The following NAA35 variants were observed in gnomAD, a reference collection of about 807,000 sequenced individuals.
NAA35 encodes N-alpha-acetyltransferase 35, NatC auxiliary subunit.
A neutral mutation model predicts 101.7 loss-of-function variants in NAA35; 18 were observed. The observed-to-expected ratio is 0.18, with a 90% CI of 0.12 to 0.26. NAA35 has a LOEUF of 0.26. Ranked by LOEUF, NAA35 falls within the 10% of genes least tolerant of loss-of-function variation. The pLI is 1.00. For missense variants in NAA35, 601 were observed against 886.8 expected, an observed-to-expected ratio of 0.68 and a Z score of 4.09; for synonymous variants, 267 against 273.1, an observed-to-expected ratio of 0.98 and a Z score of 0.22.
intron 2 of NAA35, among the ~76,000 whole-genome samples, chr9:85,945,415 G>A (rs1431195030): frequency 6.6e-6 from 1 of 152,134 alleles, no homozygotes; most frequent in Non-Finnish European, 1.5e-5. Flanking sequence ...TTAGGCTTCT[G>A]TTCTAGTGAC....
intron 14 of NAA35, 63 bp from the exon 15 acceptor site, chr9:86,009,802 A>AGTAATTGCTGCTGCTTTTGTTT: frequency 1.7e-6 from 2 of 1,193,806 alleles, no homozygotes; most frequent in Non-Finnish European, 2.5e-6. Flanking sequence ...TAGCATCTGC[A>AGTAATTGCTGCTGCTTTTGTTT]GTAATTGCTG....
At chr9:85,989,145 G>A (rs1830784218) in intron 11 of NAA35, among the ~76,000 whole-genome samples, 1 of 152,154 alleles carries the variant, frequency 6.6e-6, no homozygotes, top group African/African-American at 2.4e-5. Context: ...AACACAGAAA[G>A]TAGTGTAACA....
At chr9:85,975,070 A>T (rs1290726954) in intron 7 of NAA35, 37 bp downstream of exon 7, 8 of 1,611,656 alleles carry the variant, frequency 5.0e-6, no homozygotes, top group Non-Finnish European at 6.8e-6. Context: ...CAAGTTTTAC[A>T]TTTTCATATG....
chr9:85,994,853 T>G (rs1831085201), intron 11 of NAA35, among the ~76,000 whole-genome samples: 1 of 152,176 alleles, frequency 6.6e-6, no homozygotes. Context: ...TATTTTGTTG[T>G]ATATTTCAGA....
chr9:85,958,631 C>T (rs1304011655), intron 4 of NAA35, 45 bp downstream of exon 4: 21 of 1,284,196 alleles, frequency 1.6e-5, no homozygotes, highest in Non-Finnish European at 2.1e-5. Flanking sequence ...TCTTTTGTTA[C>T]TTCCTGTTAA....
chr9:86,016,017 T>A (rs1236230812), intron 17 of NAA35, among the ~76,000 whole-genome samples: 2 of 151,622 alleles, frequency 1.3e-5, no homozygotes, highest in Non-Finnish European at 2.9e-5. Flanking sequence ...GCATATATAT[T>A]TTTATATATA....
At chr9:86,009,698 A>C (rs1831813550) in intron 14 of NAA35, among the ~76,000 whole-genome samples, 167 bp from the exon 15 acceptor site, 1 of 152,212 alleles carries the variant, frequency 6.6e-6, no homozygotes, top group Admixed American at 6.5e-5. Flanking sequence ...TGAATTACAT[A>C]ATAATTGTAA....
chr9:85,953,754 A>C (rs1829122892), intron 2 of NAA35, among the ~76,000 whole-genome samples: 1 of 152,026 alleles, frequency 6.6e-6, no homozygotes, highest in Non-Finnish European at 1.5e-5. Context: ...TGACTACTTT[A>C]AGTATTTCAT....
intron 6 of NAA35, among the ~76,000 whole-genome samples, chr9:85,964,289 T>C (rs932102468): frequency 1.3e-5 from 2 of 152,226 alleles, no homozygotes; most frequent in African/African-American, 2.4e-5. Context: ...CTCCTGCTCA[T>C]GCTCTCTCTC....
At chr9:85,966,392 G>A (rs771508371) in intron 6 of NAA35, among the ~76,000 whole-genome samples, 3 of 152,118 alleles carry the variant, frequency 2.0e-5, no homozygotes, top group Non-Finnish European at 4.4e-5. Context: ...AATTATGATC[G>A]TGTTCAAATA....
At chr9:85,949,811 TAAAAA>T (rs201303945) in intron 2 of NAA35, among the ~76,000 whole-genome samples, 1 of 143,184 alleles carries the variant, frequency 7.0e-6, no homozygotes, top group Non-Finnish European at 1.5e-5. Context: ...GAAGTAACTT[TAAAAA>T]AAAAAAAACA....
intron 11 of NAA35, among the ~76,000 whole-genome samples, chr9:85,995,776 C>T (rs1374331895): frequency 2.0e-5 from 3 of 152,150 alleles, no homozygotes; most frequent in Non-Finnish European, 2.9e-5. Flanking sequence ...TGGAGCTATG[C>T]ACTAGTGTGA....
chr9:86,007,154 A>AT (rs1369164354), intron 13 of NAA35, among the ~76,000 whole-genome samples: 3 of 152,092 alleles, frequency 2.0e-5, no homozygotes, highest in Non-Finnish European at 1.5e-5. Flanking sequence ...ATTTCTGTAC[A>AT]TTTTTTATCC....
intron 6 of NAA35, among the ~76,000 whole-genome samples, chr9:85,974,652 C>T (rs897356268): frequency 6.6e-6 from 1 of 152,172 alleles, no homozygotes; most frequent in Non-Finnish European, 1.5e-5. Flanking sequence ...TGTGAGACTA[C>T]TTTGTGAGAA....
At chr9:85,960,868 A>AATG (rs1288837676) in intron 5 of NAA35, among the ~76,000 whole-genome samples, 3 of 152,220 alleles carry the variant, frequency 2.0e-5, no homozygotes, top group Non-Finnish European at 4.4e-5. Flanking sequence ...GGTACTAAAG[A>AATG]ATGGTAGGCG....
chr9:85,963,611 A>G (rs1020858512), intron 6 of NAA35, among the ~76,000 whole-genome samples: 2 of 152,018 alleles, frequency 1.3e-5, no homozygotes, highest in Admixed American at 6.6e-5. Flanking sequence ...TACTTTTTAT[A>G]CAGTTGGTGG....
chr9:85,996,717 C>T (rs1213974642), intron 12 of NAA35, 140 bp downstream of exon 12: 1 of 563,946 alleles, frequency 1.8e-6, no homozygotes, highest in African/African-American at 2.0e-5. Context: ...AGGGTAAATA[C>T]TACTCTTTGT....
intron 13 of NAA35, among the ~76,000 whole-genome samples, chr9:86,005,844 A>G (rs1831614780): frequency 6.6e-6 from 1 of 152,094 alleles, no homozygotes; most frequent in African/African-American, 2.4e-5. Context: ...ATTAAATCAC[A>G]GAAATACTAT....
Position 86,018,440 on chromosome 9 carries a change from C to CTA in NAA35, c.1914+45_1914+46insTA, listed in dbSNP as rs1489536362. On this transcript the variant is annotated intron_variant, in intron 20 of 22. Transcript: ENST00000361671. ...TTGTTATGAAATCTTTAGTCTTAGA[C>CTA]CTTCTTAGAGAGATGCTGTTTGTAC... 4.4e-6 allele frequency: 7 copies of CTA among 1,581,250 alleles called. No individual in the cohort carries two copies. The African/African-American group carries it at 9.5e-5, about 21-fold the overall frequency.
Sources: allele counts gnomAD v4.1 joint callset (sites outside exome capture counted in the v4.1 genomes callset), GRCh38; gene constraint gnomAD v4.1.1; transcripts MANE v1.5; gene names NCBI Gene and HGNC (gene_info 2026-07-23, HGNC 2026-07-21).